LNX1: variants seen among roughly 807,000 people sequenced by gnomAD.
LNX1 encodes the protein ligand of numb-protein X 1.
LNX1 carries 54 observed loss-of-function variants against 68.4 expected under a neutral mutation model. That is an observed-to-expected ratio of 0.79 (90% CI 0.63 to 0.99). The LOEUF (loss-of-function observed/expected upper bound fraction) is 0.99, where lower values mean the gene tolerates loss of function less well. Ranked by LOEUF, LNX1 falls within the 50% of genes least tolerant of loss-of-function variation. The pLI, the probability that LNX1 is intolerant of heterozygous loss-of-function variation, is 0.00. For missense variants in LNX1, 906 were observed against 926.4 expected, an observed-to-expected ratio of 0.98 and a Z score of 0.29; for synonymous variants, 336 against 350.0, an observed-to-expected ratio of 0.96 and a Z score of 0.45.
chr4:53,494,674 C>T (rs763650139), intron 6 of LNX1, among the ~76,000 whole-genome samples: 1 of 152,212 alleles, frequency 6.6e-6, no homozygotes, highest in Non-Finnish European at 1.5e-5. Context: ...CTGGAGGATC[C>T]TTTGGAAGAA....
intron 2 of LNX1, among the ~76,000 whole-genome samples, chr4:53,548,515 G>A (rs1311636222): frequency 6.6e-6 from 1 of 152,146 alleles, no homozygotes; most frequent in Non-Finnish European, 1.5e-5. Context: ...TTATTGCCCT[G>A]TGGAGATATT....
chr4:53,481,755 A>T lies in LNX1; in HGVS notation c.1450T>A (p.Ser484Thr). The T allele has an allele frequency of 2.5e-6, 4 of 1,613,830 alleles. No individual in the cohort carries two copies. The highest frequency in any genetic ancestry group is 3.4e-6 in the Non-Finnish European group (4 of 1,179,836). The change falls in exon 7 of 11, where the codon TCC becomes ACC. Residue 484 changes from serine (S) to threonine (T), a missense_variant. Ser to Thr is a moderately conservative substitution (Grantham distance 58). Transcript: ENST00000263925. Reference protein sequence around the residue: ...EAGWNSNGSWSPGPGERSNTP... With the variant: ...EAGWNSNGSWTPGPGERSNTP... ...TTGCTCCTCTCCCCTGGCCCTGGGG[A>T]CCAGCTGCCATTGCTGTTCCAGCCG...
At chr4:53,514,912 G>T (rs921066025) in intron 2 of LNX1, among the ~76,000 whole-genome samples, 10 of 152,054 alleles carry the variant, frequency 6.6e-5, no homozygotes, top group African/African-American at 2.4e-4. Flanking sequence ...GACAAATTAG[G>T]CTAAACATTT....
intron 1 of LNX1, among the ~76,000 whole-genome samples, chr4:53,640,632 A>G (rs1378361942): frequency 1.3e-5 from 2 of 152,196 alleles, no homozygotes; most frequent in Non-Finnish European, 2.9e-5. Flanking sequence ...ATACATCCAT[A>G]ACCCCCAAAA....
In LNX1 at chr4:53,496,800, C is replaced by T. The variant is rs555824797; in HGVS notation, c.979-406G>A. Among the ~76,000 whole-genome samples the T allele has an allele frequency of 1.2e-4, 19 of 152,286 alleles. No individual in the cohort carries two copies. The East Asian group carries it at 1.5e-3, about 12-fold the overall frequency. On this transcript the variant is annotated intron_variant, in intron 5 of 10. Transcript: ENST00000263925. ...GATTGCATTAAACAGCTCTTCAAGCCGAGTTGACATTTTCTTCCCAAAAAT... is the reference window on the plus strand; with the variant it reads ...GATTGCATTAAACAGCTCTTCAAGCTGAGTTGACATTTTCTTCCCAAAAAT...
intron 1 of LNX1, among the ~76,000 whole-genome samples, chr4:53,633,072 A>G (rs1264702694): frequency 6.6e-6 from 1 of 152,234 alleles, no homozygotes; most frequent in Non-Finnish European, 1.5e-5. Flanking sequence ...TTCAGCCCCA[A>G]CATCATCACT....
chr4:53,545,802 AT>A (rs71197029), intron 2 of LNX1, among the ~76,000 whole-genome samples: 30,186 of 111,156 alleles, frequency 0.27, 3,239 homozygotes, highest in African/African-American at 0.28. Flanking sequence ...CAGAGGCCAC[AT>A]TTTTTTTTTT....
chr4:53,483,688 C>A (rs774425232), intron 6 of LNX1, among the ~76,000 whole-genome samples: 1 of 152,176 alleles, frequency 6.6e-6, no homozygotes, highest in Non-Finnish European at 1.5e-5. Context: ...TTTGGTGGTT[C>A]CTCTCTTCAT....
chr4:53,509,162 C>G (rs879643305), intron 2 of LNX1, among the ~76,000 whole-genome samples: 1 of 152,200 alleles, frequency 6.6e-6, no homozygotes, highest in Non-Finnish European at 1.5e-5. Context: ...TTAACTATCT[C>G]ACTCTACTGT....
At chr4:53,633,522 C>A (rs1734354563) in intron 1 of LNX1, among the ~76,000 whole-genome samples, 1 of 152,112 alleles carries the variant, frequency 6.6e-6, no homozygotes, top group Admixed American at 6.6e-5. Flanking sequence ...GGGCTATGGC[C>A]AGGGAAGCTG....
chr4:53,521,156 C>T (rs919472501), intron 2 of LNX1, among the ~76,000 whole-genome samples: 5 of 152,100 alleles, frequency 3.3e-5, no homozygotes, highest in African/African-American at 1.2e-4. Context: ...GAAGTCAGAA[C>T]TGACTGCCTA....
At chr4:53,472,580 G>A (rs938754470) in intron 9 of LNX1, among the ~76,000 whole-genome samples, 13 of 150,068 alleles carry the variant, frequency 8.7e-5, no homozygotes, top group African/African-American at 2.9e-4. Context: ...TGAAAATACT[G>A]GAAATTTTTA....
chr4:53,476,665 T>C (rs574035445), intron 9 of LNX1, 88 bp downstream of exon 9: 190 of 1,098,698 alleles, frequency 1.7e-4, no homozygotes, highest in Admixed American at 2.5e-4. Flanking sequence ...GCTAGTGCCA[T>C]GAATCAGCCC....
chr4:53,650,065 T>C (rs560801385), intron 1 of LNX1, among the ~76,000 whole-genome samples: 10 of 152,304 alleles, frequency 6.6e-5, no homozygotes, highest in African/African-American at 2.2e-4. Context: ...CACATCCATA[T>C]AGATGAGCAG....
upstream of LNX1, among the ~76,000 whole-genome samples, chr4:53,622,115 T>G (rs1487424553): frequency 6.6e-6 from 1 of 152,188 alleles, no homozygotes; most frequent in East Asian, 1.9e-4. Flanking sequence ...ATGCTTCTCT[T>G]ATTTCCCTAG....
intron 4 of LNX1, chr4:53,502,063 T>C (rs2271557): frequency 0.12 from 18,168 of 152,224 alleles, 1,402 homozygotes; most frequent in South Asian, 0.23. Flanking sequence ...ATCTTCTGTA[T>C]TGGTCTGGAA....
At chr4:53,557,824 C>T (rs1730021427) in intron 2 of LNX1, 1 of 1,608,608 alleles carries the variant, frequency 6.2e-7, no homozygotes. Flanking sequence ...GTCCCACCCC[C>T]AACATACTAG....
chr4:53,602,224 C>T (rs920292131), intron 2 of LNX1, among the ~76,000 whole-genome samples: 7 of 152,150 alleles, frequency 4.6e-5, no homozygotes, highest in Non-Finnish European at 8.8e-5. Flanking sequence ...ACCATCTATT[C>T]TAGGTCCTGC....
intron 2 of LNX1, among the ~76,000 whole-genome samples, chr4:53,614,097 T>C (rs1733598149): frequency 6.6e-6 from 1 of 152,266 alleles, no homozygotes; most frequent in Non-Finnish European, 1.5e-5. Context: ...ATACGATTGT[T>C]GGCTGCATGC....
Sources: allele counts gnomAD v4.1 joint callset (sites outside exome capture counted in the v4.1 genomes callset), GRCh38; gene constraint gnomAD v4.1.1; transcripts MANE v1.5; gene names NCBI Gene and HGNC (gene_info 2026-07-23, HGNC 2026-07-21).